The following LRBA variants were observed in gnomAD, a reference collection of about 807,000 sequenced individuals.
LRBA encodes the protein lipopolysaccharide-responsive and beige-like anchor protein.
A neutral mutation model predicts 330.0 loss-of-function variants in LRBA; 176 were observed. The ratio of observed to expected loss-of-function variants is 0.53; its 90% confidence interval spans 0.47 to 0.60. LRBA has a LOEUF of 0.60. Ranked by LOEUF, LRBA falls within the 20% of genes least tolerant of loss-of-function variation. The pLI is 0.00. For missense variants in LRBA, 3,259 were observed against 3,444.8 expected (o/e 0.95, Z 1.35); for synonymous variants, 1,230 against 1,193.0 (o/e 1.03, Z -0.64).
At chr4:150,655,602 T>C (rs182216034) in intron 37 of LRBA, among the ~76,000 whole-genome samples, 2 of 152,330 alleles carry the variant, frequency 1.3e-5, no homozygotes, top group African/African-American at 2.4e-5. Context: ...ATCCACTCAA[T>C]GGGCATTGAC....
chr4:150,591,156 A>C (rs954697472), intron 38 of LRBA, among the ~76,000 whole-genome samples: 1 of 152,202 alleles, frequency 6.6e-6, no homozygotes, highest in South Asian at 2.1e-4. Flanking sequence ...CAAAAGCAGT[A>C]CTTTTATTGA....
chr4:150,848,168 C>T (rs542813375), intron 26 of LRBA, among the ~76,000 whole-genome samples: 1 of 152,188 alleles, frequency 6.6e-6, no homozygotes, highest in Admixed American at 6.5e-5. Flanking sequence ...GCGTGCACCA[C>T]CACACCTGGT....
At chr4:150,872,812 G>T (rs115390372) in intron 17 of LRBA, 57 bp from the exon 18 acceptor site, 147 of 804,520 alleles carry the variant, frequency 1.8e-4, no homozygotes, top group Non-Finnish European at 2.8e-4. Context: ...AAATGGAAAG[G>T]TTTAAAATAT....
In LRBA at chr4:150,975,870, G is replaced by T. The variant is rs1579376388; in HGVS notation, c.216+38557C>A. On this transcript the variant is annotated intron_variant, in intron 2 of 56. Coordinates refer to ENST00000651943, the MANE Select transcript of LRBA (RefSeq NM_001364905.1). ...ATACATGTCACTGGAGTTCCAAAAA[G>T]GAGAGTAGAGGCCGGGCGCAGTGGC... 3.9e-5 allele frequency among the ~76,000 whole-genome samples: 6 copies of T among 152,054 alleles called. 1 individual carries two copies. The highest frequency in any genetic ancestry group is 6.5e-5 in the Admixed American group (1 of 15,276).
At chr4:150,807,136 A>C (rs991572650) in intron 32 of LRBA, among the ~76,000 whole-genome samples, 2 of 151,828 alleles carry the variant, frequency 1.3e-5, no homozygotes, top group Non-Finnish European at 2.9e-5. Flanking sequence ...ATTTCAGATA[A>C]TTCACAGATA....
chr4:150,278,823 G>A (rs1440615621), intron 55 of LRBA, among the ~76,000 whole-genome samples: 1 of 148,732 alleles, frequency 6.7e-6, no homozygotes, highest in Non-Finnish European at 1.5e-5. Context: ...CCATAAACAG[G>A]TTTTTTTTTT....
intron 35 of LRBA, among the ~76,000 whole-genome samples, chr4:150,751,350 T>A (rs1037979968): frequency 3.9e-5 from 6 of 152,142 alleles, no homozygotes; most frequent in African/African-American, 1.4e-4. Context: ...CTGATTTTTT[T>A]AAATATTCAC....
intron 2 of LRBA, among the ~76,000 whole-genome samples, chr4:150,972,517 T>C (rs1739694180): frequency 6.6e-6 from 1 of 152,222 alleles, no homozygotes. Context: ...TTGATCATTA[T>C]ACATTCTACG....
intron 2 of LRBA, among the ~76,000 whole-genome samples, chr4:150,983,449 C>CTTTTTTT (rs35205576): frequency 1.9e-5 from 2 of 107,262 alleles, no homozygotes; most frequent in African/African-American, 7.6e-5. Context: ...AGCAAGCACT[C>CTTTTTTT]TTTTTTTTTT....
intron 2 of LRBA, among the ~76,000 whole-genome samples, chr4:150,989,916 G>A (rs567866302): frequency 1.3e-5 from 2 of 152,192 alleles, no homozygotes; most frequent in Admixed American, 1.3e-4. Context: ...TTAAGGCCAG[G>A]AGTTCGAGAC....
intron 40 of LRBA, chr4:150,584,081 C>G (rs766732897): frequency 6.4e-7 from 1 of 1,555,594 alleles, no homozygotes; most frequent in Non-Finnish European, 8.7e-7. Flanking sequence ...GAAATTCTCA[C>G]CAATCCCAAA....
At chr4:150,571,766 G>A (rs764498616) in intron 40 of LRBA, among the ~76,000 whole-genome samples, 1 of 148,162 alleles carries the variant, frequency 6.7e-6, no homozygotes, top group African/African-American at 2.5e-5. Flanking sequence ...ACAAACTCTG[G>A]TTCTGTACAA....
chr4:150,769,858 G>C (rs1032065118), intron 34 of LRBA, among the ~76,000 whole-genome samples: 2 of 152,110 alleles, frequency 1.3e-5, no homozygotes, highest in Non-Finnish European at 2.9e-5. Context: ...TAATAACAAG[G>C]TTATAATTCT....
intron 40 of LRBA, among the ~76,000 whole-genome samples, chr4:150,555,784 C>A (rs1449089177): frequency 6.6e-6 from 1 of 150,912 alleles, no homozygotes; most frequent in African/African-American, 2.5e-5. Context: ...CACACACACA[C>A]ACAAACAAAT....
At chr4:150,579,373 A>AG (rs1770942359) in intron 40 of LRBA, 2 of 394,800 alleles carry the variant, frequency 5.1e-6, no homozygotes, top group South Asian at 1.7e-5. Context: ...GGGGTGGGGG[A>AG]GGGGGGAGAA....
At chr4:150,426,850 A>G (rs928481925) in intron 46 of LRBA, among the ~76,000 whole-genome samples, 2 of 151,994 alleles carry the variant, frequency 1.3e-5, no homozygotes, top group Non-Finnish European at 1.5e-5. Flanking sequence ...GTAGGGTTTA[A>G]CATGCTTCAT....
At chr4:150,278,076 C>A in intron 55 of LRBA, 72 bp from the exon 56 acceptor site, 2 of 1,325,784 alleles carry the variant, frequency 1.5e-6, no homozygotes, top group South Asian at 2.5e-5. Flanking sequence ...GTTTTTGAGT[C>A]ATTCTTACAC....
chr4:150,782,213 G>C (rs1738343193), intron 34 of LRBA, among the ~76,000 whole-genome samples: 1 of 152,138 alleles, frequency 6.6e-6, no homozygotes. Flanking sequence ...GGTCTTGCTT[G>C]TTAAATAAAT....
chr4:150,536,009 C>G (rs1483081123), intron 40 of LRBA, among the ~76,000 whole-genome samples: 1 of 152,098 alleles, frequency 6.6e-6, no homozygotes. Flanking sequence ...CATTTAACTT[C>G]CAGCTTAAAG....
Sources: allele counts gnomAD v4.1 joint callset (sites outside exome capture counted in the v4.1 genomes callset), GRCh38; gene constraint gnomAD v4.1.1; transcripts MANE v1.5; gene names NCBI Gene and HGNC (gene_info 2026-07-23, HGNC 2026-07-21).